GK5: variants seen among roughly 807,000 people sequenced by gnomAD.
GK5 encodes ATP:glycerol 3-phosphotransferase 5.
A neutral mutation model predicts 77.3 loss-of-function variants in GK5; 39 were observed. That is an observed-to-expected ratio of 0.50 (90% CI 0.39 to 0.66). The LOEUF (loss-of-function observed/expected upper bound fraction) is 0.66, where lower values mean the gene tolerates loss of function less well. Among genes scored for constraint, GK5 ranks in the 30% least tolerant of loss-of-function variants. The pLI is 0.00. For synonymous variants in GK5, 211 were observed against 208.0 expected (o/e 1.01, Z -0.13); for missense variants, 487 against 633.8 (o/e 0.77, Z 2.49).
rs771349454 is a variant in GK5 at position 142,186,498 on chromosome 3, G to A, written c.635C>T (p.Thr212Ile). 3.2e-6 allele frequency: 5 copies of A among 1,546,020 alleles called. No individual in the cohort carries two copies. The East Asian group carries it at 1.1e-4, about 35-fold the overall frequency. The change falls in exon 7 of 16, where the codon ACA becomes ATA. Residue 212 changes from threonine (T) to isoleucine (I), a missense_variant. Physicochemically the swap from Thr to Ile is moderately conservative, Grantham distance 89. Transcript: ENST00000392993. ...AGTTGTACTAGCATTTGAAAAATCT[G>A]TGGCATATACAGAACCTAAATTTAA... ...YKLTKGSVYA[T>I]DFSNASTTGL...
Position 142,159,849 on chromosome 3 carries a change from C to CTTT in GK5, c.*5772_*5773insAAA, listed in dbSNP as rs1399191009. 6 of 104,774 alleles carry CTTT rather than the reference C, an allele frequency of 5.7e-5. No homozygotes were observed. The highest frequency in any genetic ancestry group is 2.0e-4 in the African/African-American group (5 of 24,560). 6.5% of individuals were successfully genotyped at this position (104,774 alleles called of 1,614,324 possible). ...GGGCTTTCTCTCTCTCTCTCTCTCT[C>CTTT]TCTCTTTTTTTTTTTTGAGACAGAG... On this transcript the variant is annotated 3_prime_UTR_variant, in exon 16 of 16. Transcript: ENST00000392993.
At chr3:142,194,657 C>T (rs998166170) in intron 5 of GK5, among the ~76,000 whole-genome samples, 3 of 151,952 alleles carry the variant, frequency 2.0e-5, no homozygotes, top group Non-Finnish European at 4.4e-5. Context: ...TGCCACTGTA[C>T]TCAAGCCTGG....
chr3:142,163,609 A>G lies in GK5; in HGVS notation c.*2013T>C, dbSNP rs913891154. 1 of 152,126 alleles carries G rather than the reference A, an allele frequency of 6.6e-6. No homozygotes were observed. Among genetic ancestry groups the G allele is most frequent in the Non-Finnish European group, 1.5e-5 (1 of 68,040 alleles). 9.4% of individuals were successfully genotyped at this position (152,126 alleles called of 1,614,324 possible). On this transcript the variant is annotated 3_prime_UTR_variant, in exon 16 of 16. Coordinates refer to ENST00000392993, the MANE Select transcript of GK5 (RefSeq NM_001039547.3). ...TTTATTTTGTGGTTATATGTTGGGA[A>G]AGAAGAACGTGGAAAAGAAGTGAAC...
Position 142,172,436 on chromosome 3 carries a change from C to CCG in GK5, c.1163_1164insCG (p.Trp388CysfsTer10). 6.3e-7 allele frequency: 1 copy of CCG among 1,595,570 alleles called. No individual in the cohort carries two copies. Among genetic ancestry groups the CCG allele is most frequent in the Non-Finnish European group, 8.6e-7 (1 of 1,166,900 alleles). ...TCAAACCCATAAAAGAGGCACATGC[C>CCG]CAGGGGTCATTTAATGGAGCCTACA... is the stretch of plus-strand genomic sequence containing the variant. On this transcript the variant is annotated frameshift_variant, in exon 13 of 16. Coordinates refer to ENST00000392993, the MANE Select transcript of GK5 (RefSeq NM_001039547.3). LOFTEE classifies it high-confidence loss of function.
intron 4 of GK5, 130 bp downstream of exon 4, chr3:142,204,565 C>T (rs1178675161): frequency 2.7e-6 from 2 of 730,182 alleles, no homozygotes; most frequent in Admixed American, 1.9e-5. Flanking sequence ...TTAAACTTCA[C>T]TGGAATGGGG....
chr3:142,206,440 T>A lies in GK5; in HGVS notation c.318-1652A>T, dbSNP rs751757487. 2.0e-4 allele frequency among the ~76,000 whole-genome samples: 30 copies of A among 152,352 alleles called. 1 individual carries two copies. Among genetic ancestry groups the A allele is most frequent in the Admixed American group, 9.1e-4 (14 of 15,302 alleles). ...CCAACACTTGTTATCTTCCTTTTTT[T>A]AAAATTCTCACCATTCTAGTGGGTG... On this transcript the variant is annotated intron_variant, in intron 3 of 15. Coordinates refer to ENST00000392993, the MANE Select transcript of GK5 (RefSeq NM_001039547.3).
intron 2 of GK5, among the ~76,000 whole-genome samples, chr3:142,215,030 A>G (rs1367153837): frequency 2.0e-5 from 3 of 152,240 alleles, no homozygotes; most frequent in African/African-American, 7.2e-5. Flanking sequence ...AAAATGAAGT[A>G]AAAGATCTTT....
At chr3:142,166,430 T>C (rs1391734518) in intron 15 of GK5, among the ~76,000 whole-genome samples, 2 of 152,246 alleles carry the variant, frequency 1.3e-5, no homozygotes, top group Non-Finnish European at 2.9e-5. Context: ...TTTCAAACTA[T>C]AGCCTTTTAT....
chr3:142,215,635 T>C lies in GK5; in HGVS notation c.205A>G (p.Ile69Val). ...TCTTTTATTACGGCAACAAATTGAA[T>C]CCAAAGAACATCAGGATCAATTTCT... ...WVEIDPDVLW[I>V]QFVAVIKEAV... The change falls in exon 2 of 16, where the codon ATT becomes GTT. Residue 69 changes from isoleucine to valine, a missense_variant. Ile to Val is a conservative substitution (Grantham distance 29, BLOSUM62 3). Coordinates refer to ENST00000392993, the MANE Select transcript of GK5 (RefSeq NM_001039547.3). 2 of 1,596,412 alleles carry C rather than the reference T, an allele frequency of 1.3e-6. No homozygotes were observed. The highest frequency in any genetic ancestry group is 1.1e-5 in the South Asian group (1 of 89,582).
At chr3:142,212,995 C>T (rs988481490) in intron 3 of GK5, among the ~76,000 whole-genome samples, 11 of 151,648 alleles carry the variant, frequency 7.3e-5, no homozygotes, top group African/African-American at 1.9e-4. Context: ...CCACCTCGCC[C>T]GGCTAATTTT....
At chr3:142,200,379 G>A (rs755022581) in intron 4 of GK5, among the ~76,000 whole-genome samples, 3 of 152,044 alleles carry the variant, frequency 2.0e-5, no homozygotes, top group Admixed American at 2.0e-4. Flanking sequence ...TGTTGGCCAG[G>A]CTGGTCTCGA....
intron 12 of GK5, among the ~76,000 whole-genome samples, chr3:142,173,996 G>A (rs1390294141): frequency 6.6e-6 from 1 of 152,122 alleles, no homozygotes; most frequent in Non-Finnish European, 1.5e-5. Flanking sequence ...CTGGACCCCA[G>A]AGACTAGATG....
rs778334899 is a variant in GK5 at position 142,185,700 on chromosome 3, A to G, written c.816+229T>C. 4 of 1,435,410 alleles carry G rather than the reference A, an allele frequency of 2.8e-6. No homozygotes were observed. The East Asian group carries it at 1.2e-4, about 41-fold the overall frequency. The allele number at this position is 1,435,410 out of a possible 1,614,324, so 88.9% of individuals were successfully genotyped here. ...TAAACAATATACAAGCAAGTCAGAAAAGGTTATAAAGTACTTCCATGATAG... is the reference window on the plus strand; with the variant it reads ...TAAACAATATACAAGCAAGTCAGAAGAGGTTATAAAGTACTTCCATGATAG... On this transcript the variant is annotated intron_variant, in intron 9 of 15. Transcript: ENST00000392993.
chr3:142,182,040 A>G (rs1333793940), intron 10 of GK5, among the ~76,000 whole-genome samples: 3 of 152,216 alleles, frequency 2.0e-5, no homozygotes, highest in Admixed American at 1.3e-4. Flanking sequence ...AGAATTATCA[A>G]CATTTTCTAA....
intron 12 of GK5, among the ~76,000 whole-genome samples, chr3:142,176,178 G>C (rs2063607330): frequency 6.6e-6 from 1 of 151,818 alleles, no homozygotes; most frequent in Non-Finnish European, 1.5e-5. Context: ...AAATATTACA[G>C]GTATTGAAAT....
Position 142,225,501 on chromosome 3 carries a change from G to C in GK5, c.-46C>G. The stretch of plus-strand genomic sequence containing the variant: ...CGCTACAGCCGCCTACCCAGAGGGC[G>C]CGCTACAAATCCCAATGCTCCAGAG... On this transcript the variant is annotated 5_prime_UTR_variant, in exon 1 of 16. Transcript: ENST00000392993. 6.3e-7 allele frequency: 1 copy of C among 1,581,588 alleles called. No homozygotes were observed.
Position 142,225,375 on chromosome 3 carries a change from G to C in GK5, c.81C>G (p.Gly27=), listed in dbSNP as rs750758923. ...YPGFVLGLDV[G]SSVIRCHVYD... ...AGACGTGGCAGCGGATCACAGAACT[G>C]CCCACATCCAGCCCCAGCACGAAGC... The change falls in exon 1 of 16, where the codon GGC becomes GGG. Residue 27 remains glycine, a synonymous_variant. Transcript: ENST00000392993. 3.1e-6 allele frequency: 5 copies of C among 1,590,374 alleles called. No individual in the cohort carries two copies. The South Asian group carries it at 4.6e-5, about 15-fold the overall frequency.
chr3:142,185,745 C>G, intron 9 of GK5, 184 bp downstream of exon 9: 1 of 1,550,130 alleles, frequency 6.5e-7, no homozygotes, highest in African/African-American at 1.4e-5. Flanking sequence ...TCAATGGTCC[C>G]CTTCCCAAAA....
chr3:142,186,707 C>T (rs1455499479), intron 6 of GK5, among the ~76,000 whole-genome samples, 194 bp from the exon 7 acceptor site: 6 of 150,996 alleles, frequency 4.0e-5, no homozygotes, highest in Non-Finnish European at 8.8e-5. Flanking sequence ...CTTGGCTCAC[C>T]GCAACCTCTG....
Sources: allele counts gnomAD v4.1 joint callset (sites outside exome capture counted in the v4.1 genomes callset), GRCh38; gene constraint gnomAD v4.1.1; transcripts MANE v1.5; gene names NCBI Gene and HGNC (gene_info 2026-07-23, HGNC 2026-07-21).